Variants in MAST4 observed in about 807,000 individuals in gnomAD.
The protein encoded by MAST4 is microtubule associated serine/threonine kinase family member 4, also known as microtubule-associated serine/threonine-protein kinase 4.
Under a neutral mutation model 162.7 loss-of-function variants are expected in MAST4, and 89 were observed. The ratio of observed to expected loss-of-function variants is 0.55; its 90% CI spans 0.46 to 0.65. The LOEUF is 0.65. Ranked by LOEUF, MAST4 falls within the 30% of genes least tolerant of loss-of-function variation. The pLI, the probability that MAST4 is intolerant of heterozygous loss-of-function variation, is 0.00. For missense variants in MAST4, 3,153 were observed against 3,374.0 expected, an observed-to-expected ratio of 0.93 and a Z score of 1.62; for synonymous variants, 1,479 against 1,361.1, an observed-to-expected ratio of 1.09 and a Z score of -1.91.
intron 3 of MAST4, among the ~76,000 whole-genome samples, chr5:66,810,959 C>T (rs763104788): frequency 6.6e-6 from 1 of 152,176 alleles, no homozygotes; most frequent in East Asian, 1.9e-4. Context: ...GCAGAATGAC[C>T]ACATCCTTTC....
At chr5:67,112,611 T>C (rs2150912551) in intron 11 of MAST4, among the ~76,000 whole-genome samples, 1 of 152,270 alleles carries the variant, frequency 6.6e-6, no homozygotes, top group Admixed American at 6.5e-5. Flanking sequence ...CAGTTTATTA[T>C]GAAATACACT....
rs1345029793 is a variant in MAST4, at chr5:66,884,109, T to C, written c.643-15842T>C. ...TCTATGATTGCACTAAAATTAGGGCTTATTTAAACCTCCATTTCTCAAAGT... is the reference window on the plus strand; with the variant it reads ...TCTATGATTGCACTAAAATTAGGGCCTATTTAAACCTCCATTTCTCAAAGT... On this transcript the variant is annotated intron_variant, in intron 3 of 28. Transcript: ENST00000403625. Among the ~76,000 whole-genome samples, 5 of 152,342 alleles carry C rather than the reference T, an allele frequency of 3.3e-5. No individual in the cohort carries two copies. In the East Asian group the frequency reaches 7.7e-4, roughly 23 times the overall value.
rs145862667 is a variant in MAST4 at position 66,936,318 on chromosome 5, C to T, written c.674+36336C>T. 6.7e-3 allele frequency among the ~76,000 whole-genome samples: 1,024 copies of T among 152,300 alleles called. 13 individuals carry two copies. The highest frequency in any genetic ancestry group is 0.024 in the African/African-American group (979 of 41,556). ...TAACATCTCTGGTCCTTACTCTCTT[C>T]ACCTGTACAATGGAAATGGTCATAA... On this transcript the variant is annotated intron_variant, in intron 4 of 28. Coordinates refer to ENST00000403625, the MANE Select transcript of MAST4 (RefSeq NM_001164664.2).
chr5:66,837,391 A>G (rs1758052873), intron 3 of MAST4, among the ~76,000 whole-genome samples: 1 of 152,102 alleles, frequency 6.6e-6, no homozygotes, highest in Admixed American at 6.5e-5. Context: ...AGCATGTTTT[A>G]CTTTATAATT....
intron 4 of MAST4, among the ~76,000 whole-genome samples, chr5:66,984,442 G>T (rs1749233990): frequency 1.3e-5 from 2 of 152,202 alleles, no homozygotes; most frequent in South Asian, 4.1e-4. Context: ...AGGATGGAAA[G>T]AAAGCACTTG....
intron 4 of MAST4, among the ~76,000 whole-genome samples, chr5:66,937,612 A>C (rs974308438): frequency 6.6e-6 from 1 of 152,030 alleles, no homozygotes; most frequent in Non-Finnish European, 1.5e-5. Context: ...ATATGTTTCT[A>C]TATTTGCTCT....
chr5:66,961,583 C>T (rs1241283659), intron 4 of MAST4, among the ~76,000 whole-genome samples: 4 of 152,118 alleles, frequency 2.6e-5, no homozygotes, highest in Non-Finnish European at 4.4e-5. Context: ...ATTTATGATG[C>T]CTAAATAGCC....
chr5:66,683,486 G>C (rs1371247141), intron 1 of MAST4, among the ~76,000 whole-genome samples: 3 of 152,138 alleles, frequency 2.0e-5, no homozygotes, highest in Admixed American at 2.0e-4. Flanking sequence ...TACACGTCCT[G>C]TCCTGTCCTC....
intron 6 of MAST4, chr5:67,094,255 T>C: frequency 1.2e-6 from 1 of 812,684 alleles, no homozygotes; most frequent in Non-Finnish European, 1.9e-6. Context: ...CATTTGCATT[T>C]ATTGGAGGTT....
chr5:66,919,898 C>CTCCTTCCTTCCTTCCT (rs770358340), intron 4 of MAST4, among the ~76,000 whole-genome samples: 3 of 112,186 alleles, frequency 2.7e-5, no homozygotes, highest in African/African-American at 3.7e-5. Context: ...ATTTTTCTCT[C>CTCCTTCCTTCCTTCCT]TCCTTCCTTC....
intron 6 of MAST4, among the ~76,000 whole-genome samples, chr5:67,090,468 C>A (rs886613875): frequency 3.2e-5 from 3 of 94,036 alleles, no homozygotes; most frequent in Non-Finnish European, 6.1e-5. Context: ...CCCCGCTTCT[C>A]CCCCTCCCCT....
At chr5:67,102,211 A>C (rs1001541861) in intron 8 of MAST4, among the ~76,000 whole-genome samples, 1 of 152,134 alleles carries the variant, frequency 6.6e-6, no homozygotes, top group Non-Finnish European at 1.5e-5. Flanking sequence ...ATTGTTTTCC[A>C]GATCTTATGC....
intron 2 of MAST4, among the ~76,000 whole-genome samples, chr5:66,762,647 T>C (rs1007434665): frequency 6.6e-6 from 1 of 152,220 alleles, no homozygotes; most frequent in Non-Finnish European, 1.5e-5. Context: ...TCACATGTGA[T>C]CTCATCTTGG....
At chr5:66,644,658 C>T (rs1314414251) in intron 1 of MAST4, among the ~76,000 whole-genome samples, 1 of 151,866 alleles carries the variant, frequency 6.6e-6, no homozygotes, top group East Asian at 1.9e-4. Context: ...ACTATACAGT[C>T]TCCCAAATAG....
At chr5:66,673,810 A>T (rs1317718404) in intron 1 of MAST4, among the ~76,000 whole-genome samples, 1 of 152,008 alleles carries the variant, frequency 6.6e-6, no homozygotes, top group Non-Finnish European at 1.5e-5. Context: ...TTTTTGAAAG[A>T]TCTCTAGATG....
intron 4 of MAST4, among the ~76,000 whole-genome samples, chr5:66,915,595 A>G (rs1407897197): frequency 6.6e-6 from 1 of 152,248 alleles, no homozygotes; most frequent in African/African-American, 2.4e-5. Context: ...CAATTAATGT[A>G]CTTTTCAGTA....
intron 7 of MAST4, among the ~76,000 whole-genome samples, chr5:67,098,757 G>T (rs1329673586): frequency 6.6e-6 from 1 of 152,096 alleles, no homozygotes; most frequent in African/African-American, 2.4e-5. Flanking sequence ...TACTGTTCCT[G>T]TGCAAGTACA....
intron 23 of MAST4, 75 bp from the exon 24 acceptor site, chr5:67,149,314 T>A (rs2151067612): frequency 7.5e-7 from 1 of 1,341,926 alleles, no homozygotes; most frequent in East Asian, 2.5e-5. Context: ...CTTCCTGCTG[T>A]CTCTCTCTTC....
In MAST4 at chr5:67,152,729, G is replaced by C; in HGVS notation, c.3388G>C (p.Asp1130His). 1 of 1,614,056 alleles carries C rather than the reference G, an allele frequency of 6.2e-7. No homozygotes were observed. Among genetic ancestry groups the C allele is most frequent in the Non-Finnish European group, 8.5e-7 (1 of 1,179,900 alleles). Residue 1130 changes from aspartate (D) to histidine (H), a missense_variant, in exon 25 of 29, where the codon GAT (aspartate) becomes CAT (histidine). Asp to His is a moderately conservative substitution (Grantham distance 81). Coordinates refer to ENST00000403625, the MANE Select transcript of MAST4 (RefSeq NM_001164664.2). ...SSSRDSSPSR[D>H]SSAASASPHQ... is the part of the protein sequence containing the mutation. The stretch of plus-strand genomic sequence containing the variant: ...TTCACGAGATTCCTCTCCCAGCCGA[G>C]ATTCCTCAGCAGCTTCTGCCAGTCC...
Sources: allele counts gnomAD v4.1 joint callset (sites outside exome capture counted in the v4.1 genomes callset), GRCh38; gene constraint gnomAD v4.1.1; transcripts MANE v1.5; gene names NCBI Gene and HGNC (gene_info 2026-07-23, HGNC 2026-07-21).